Variants in SLC25A12 observed in about 807,000 individuals in gnomAD.
SLC25A12 encodes the protein electrogenic aspartate/glutamate antiporter SLC25A12, mitochondrial.
In SLC25A12, 32 loss-of-function variants were observed where a neutral mutation model predicts 83.3. The ratio of observed to expected loss-of-function variants is 0.38; its 90% CI spans 0.29 to 0.52. The LOEUF is 0.52. Among genes scored for constraint, SLC25A12 ranks in the 20% least tolerant of loss-of-function variants. The pLI, the probability that SLC25A12 is intolerant of heterozygous loss-of-function variation, is 0.84. For synonymous variants in SLC25A12, 267 were observed against 291.1 expected (o/e 0.92, Z 0.84); for missense variants, 611 against 835.6 (o/e 0.73, Z 3.31).
At chr2:171,857,946 G>A (rs997954727) in intron 3 of SLC25A12, among the ~76,000 whole-genome samples, 1 of 151,922 alleles carries the variant, frequency 6.6e-6, no homozygotes, top group African/African-American at 2.4e-5. Context: ...CAAAAAGTGG[G>A]GGAAACTCAT....
intron 9 of SLC25A12, among the ~76,000 whole-genome samples, chr2:171,825,741 C>T (rs1256968231): frequency 1.3e-5 from 2 of 152,162 alleles, no homozygotes; most frequent in Non-Finnish European, 1.5e-5. Context: ...TAACCCTTAC[C>T]CACACACAAA....
intron 17 of SLC25A12, among the ~76,000 whole-genome samples, chr2:171,786,981 A>G (rs1032440660): frequency 6.6e-6 from 1 of 152,258 alleles, no homozygotes; most frequent in Non-Finnish European, 1.5e-5. Context: ...CCACATAATG[A>G]GAACGCCATG....
intron 2 of SLC25A12, among the ~76,000 whole-genome samples, chr2:171,879,360 G>A (rs1685640660): frequency 1.3e-5 from 2 of 152,132 alleles, no homozygotes; most frequent in Non-Finnish European, 2.9e-5. Flanking sequence ...AATACTATGT[G>A]CTTATTTTTG....
intron 2 of SLC25A12, among the ~76,000 whole-genome samples, chr2:171,873,662 AC>A (rs531530545): frequency 1.8e-4 from 27 of 152,164 alleles, no homozygotes; most frequent in Admixed American, 6.5e-4. Flanking sequence ...TCACTCAATT[AC>A]CCACCCCAGA....
chr2:171,819,966 G>A (rs1000726923), intron 9 of SLC25A12, among the ~76,000 whole-genome samples: 1 of 152,092 alleles, frequency 6.6e-6, no homozygotes, highest in African/African-American at 2.4e-5. Context: ...AACTAACACA[G>A]GAACAGAAAG....
chr2:171,866,308 C>T (rs1199351537), intron 3 of SLC25A12, among the ~76,000 whole-genome samples: 26 of 136,080 alleles, frequency 1.9e-4, no homozygotes, highest in South Asian at 5.2e-4. Context: ...TCCACAAAAC[C>T]GCCATTGTCA....
intron 9 of SLC25A12, among the ~76,000 whole-genome samples, chr2:171,816,562 AT>A (rs1011290805): frequency 6.6e-6 from 1 of 151,910 alleles, no homozygotes; most frequent in South Asian, 2.1e-4. Flanking sequence ...TAAATTTTGT[AT>A]TTTTTTATTG....
chr2:171,894,133 G>T lies in SLC25A12; in HGVS notation c.12+70C>A, dbSNP rs184773360. 1,375 of 1,561,028 alleles carry T rather than the reference G, an allele frequency of 8.8e-4. 9 individuals are homozygous for T. In the Middle Eastern group the frequency reaches 0.016, roughly 18 times the overall value. ...GACAATGAATAAAATGGGAAGCAGT[G>T]GGGGGCTGCAGGCAGGGCGCTCGGA... On this transcript the variant is annotated intron_variant, in intron 1 of 17. Coordinates refer to ENST00000422440, the MANE Select transcript of SLC25A12 (RefSeq NM_003705.5).
chr2:171,840,248 G>A (rs1684644077), intron 5 of SLC25A12, among the ~76,000 whole-genome samples: 1 of 152,004 alleles, frequency 6.6e-6, no homozygotes, highest in South Asian at 2.1e-4. Context: ...AGGCAGGCAT[G>A]GTGGCACACG....
At chr2:171,892,263 G>C (rs1336699645) in intron 2 of SLC25A12, among the ~76,000 whole-genome samples, 2 of 143,194 alleles carry the variant, frequency 1.4e-5, no homozygotes, top group Non-Finnish European at 3.0e-5. Context: ...GTGTCTCTCT[G>C]TCCCCAGGCT....
chr2:171,883,531 T>C (rs1319404844), intron 2 of SLC25A12, among the ~76,000 whole-genome samples: 5 of 152,176 alleles, frequency 3.3e-5, no homozygotes, highest in Non-Finnish European at 7.3e-5. Flanking sequence ...CGGCCAGGCG[T>C]AGTGGCTCAC....
At chr2:171,845,978 C>A in intron 4 of SLC25A12, 1 of 274,926 alleles carries the variant, frequency 3.6e-6, no homozygotes. Flanking sequence ...TGGTTTCTAA[C>A]CAACACAAAA....
At chr2:171,789,698 G>A (rs1331733002) in intron 15 of SLC25A12, among the ~76,000 whole-genome samples, 1 of 152,068 alleles carries the variant, frequency 6.6e-6, no homozygotes, top group Non-Finnish European at 1.5e-5. Flanking sequence ...CTGACCAGCT[G>A]TGCTGGCCAA....
intron 3 of SLC25A12, among the ~76,000 whole-genome samples, chr2:171,867,177 C>T (rs1427981417): frequency 2.0e-5 from 3 of 150,996 alleles, no homozygotes; most frequent in Non-Finnish European, 3.0e-5. Flanking sequence ...GGGCTCCTCA[C>T]GTCCCAGACG....
At chr2:171,889,382 G>A (rs749263801) in intron 2 of SLC25A12, among the ~76,000 whole-genome samples, 2 of 151,926 alleles carry the variant, frequency 1.3e-5, no homozygotes, top group Non-Finnish European at 2.9e-5. Flanking sequence ...CCCTTACATC[G>A]CTGGTATTGT....
At chr2:171,812,676 T>G (rs1159037829) in intron 11 of SLC25A12, among the ~76,000 whole-genome samples, 1 of 152,164 alleles carries the variant, frequency 6.6e-6, no homozygotes, top group African/African-American at 2.4e-5. Flanking sequence ...CCAACTGCAC[T>G]GTGCTCAGTC....
chr2:171,874,138 G>A (rs1443165326), intron 2 of SLC25A12, among the ~76,000 whole-genome samples: 1 of 152,062 alleles, frequency 6.6e-6, no homozygotes, highest in African/African-American at 2.4e-5. Flanking sequence ...AGGCAGGAGA[G>A]TCGCTTGAAC....
intron 13 of SLC25A12, among the ~76,000 whole-genome samples, chr2:171,794,743 C>A (rs1343545557): frequency 6.6e-6 from 1 of 152,096 alleles, no homozygotes; most frequent in Non-Finnish European, 1.5e-5. Flanking sequence ...ACATCTTCAA[C>A]TGTAGCTGTT....
At chr2:171,813,228 G>C (rs1683983826) in intron 11 of SLC25A12, 111 bp downstream of exon 11, 2 of 1,073,078 alleles carry the variant, frequency 1.9e-6, no homozygotes, top group Admixed American at 3.5e-5. Flanking sequence ...GAGAGAAACA[G>C]ACCTAGTCTG....
Sources: gnomAD v4.1 joint callset for allele counts (sites outside exome capture counted in the v4.1 genomes callset) on GRCh38, gnomAD v4.1.1 for gene constraint, MANE v1.5 for transcripts, NCBI Gene and HGNC (gene_info 2026-07-23, HGNC 2026-07-21) for gene names.